ATAD1: variants seen among roughly 807,000 people sequenced by gnomAD.
The protein encoded by ATAD1 is outer mitochondrial transmembrane helix translocase.
ATAD1 carries 18 observed loss-of-function variants against 42.7 expected under a neutral mutation model. The observed-to-expected ratio is 0.42, with a 90% confidence interval of 0.29 to 0.63. The LOEUF (loss-of-function observed/expected upper bound fraction) is 0.63. Ranked by LOEUF, ATAD1 falls within the 20% of genes least tolerant of loss-of-function variation. The probability of loss-of-function intolerance (pLI) is 0.19; values close to 1 mark genes in which losing one functional copy is unlikely to be tolerated. For missense variants in ATAD1, 294 were observed against 440.4 expected (o/e 0.67, Z 2.98); for synonymous variants, 132 against 143.1 (o/e 0.92, Z 0.55).
intron 2 of ATAD1, among the ~76,000 whole-genome samples, chr10:87,795,465 G>GTTTTT (rs60783935): frequency 1.4e-5 from 2 of 143,610 alleles, no homozygotes; most frequent in Admixed American, 7.0e-5. Context: ...TGGTTTGCTT[G>GTTTTT]TTTTTTTTTT....
Position 87,754,780 on chromosome 10 carries a change from A to G in ATAD1, c.993T>C (p.Val331=). 6.2e-7 allele frequency: 1 copy of G among 1,613,594 alleles called. No individual in the cohort carries two copies. Among genetic ancestry groups the G allele is most frequent in the Non-Finnish European group, 8.5e-7 (1 of 1,179,668 alleles). Residue 331 remains valine, a synonymous_variant, in exon 10 of 10, where the codon GTT becomes GTC. Coordinates refer to ENST00000680024, the MANE Select transcript of ATAD1 (RefSeq NM_001321967.2). ...ESHDEDEIRP[V]QQQDLHRAIE... The stretch of plus-strand genomic sequence containing the variant: ...TTGCCCGATGCAGGTCCTGCTGTTG[A>G]ACAGGCCGAATTTCATCTTCGTCAT...
intron 8 of ATAD1, among the ~76,000 whole-genome samples, chr10:87,757,290 A>AAAAAC: frequency 6.6e-6 from 1 of 151,246 alleles, no homozygotes; most frequent in South Asian, 2.1e-4. Flanking sequence ...AAAAAAAACA[A>AAAAAC]AACACTCAAC....
At chr10:87,831,641 T>C (rs113815973) in intron 1 of ATAD1, among the ~76,000 whole-genome samples, 5 of 152,336 alleles carry the variant, frequency 3.3e-5, no homozygotes, top group African/African-American at 1.2e-4. Context: ...GAGACTCAAG[T>C]GCAGGGCCTT....
intron 8 of ATAD1, among the ~76,000 whole-genome samples, chr10:87,765,103 C>T (rs1005269150): frequency 1.3e-5 from 2 of 151,702 alleles, no homozygotes; most frequent in African/African-American, 4.8e-5. Flanking sequence ...ACAACTAAAA[C>T]ATTTATGGGT....
intron 1 of ATAD1, chr10:87,817,783 C>T (rs1458779402): frequency 1.4e-5 from 14 of 985,336 alleles, no homozygotes; most frequent in Non-Finnish European, 1.7e-5. Flanking sequence ...CGCGCCTGTG[C>T]GACAATCAGA....
Position 87,784,348 on chromosome 10 carries a change from T to C in ATAD1, c.583+122A>G, listed in dbSNP as rs1855716877. The C allele has an allele frequency of 4.7e-6, 4 of 843,502 alleles. No homozygotes were observed. The Admixed American group carries it at 9.9e-5, about 21-fold the overall frequency. The allele number at this position is 843,502 out of a possible 1,614,324, so 52.3% of individuals were successfully genotyped here. ...CACAGAAATTATACATAGCATATTA[T>C]GATGTTGGTTATGTTCTTTGTTTTA... On this transcript the variant is annotated intron_variant, in intron 5 of 9. Transcript: ENST00000680024.
intron 6 of ATAD1, among the ~76,000 whole-genome samples, chr10:87,773,191 A>T (rs1855133537): frequency 6.6e-6 from 1 of 152,348 alleles, no homozygotes; most frequent in East Asian, 1.9e-4. Flanking sequence ...AAAACAAAAC[A>T]TAATTTTTTT....
At chr10:87,798,657 T>TGTGTGTGTG (rs1349200937) in intron 2 of ATAD1, among the ~76,000 whole-genome samples, 7 of 150,022 alleles carry the variant, frequency 4.7e-5, no homozygotes, top group African/African-American at 9.8e-5. Flanking sequence ...TGTGTGTGTA[T>TGTGTGTGTG]TTAAAATGCC....
intron 2 of ATAD1, among the ~76,000 whole-genome samples, chr10:87,809,467 A>T (rs1038003063): frequency 6.6e-6 from 1 of 151,744 alleles, no homozygotes; most frequent in African/African-American, 2.4e-5. Context: ...AGGTTGGCAG[A>T]GGTAAAAGAG....
At chr10:87,769,457 T>G (rs1281464279) in intron 7 of ATAD1, among the ~76,000 whole-genome samples, 1 of 152,212 alleles carries the variant, frequency 6.6e-6, no homozygotes, top group African/African-American at 2.4e-5. Flanking sequence ...GTAAATTCCA[T>G]GGACTTCCCT....
At chr10:87,839,044 A>C (rs570047546) in intron 1 of ATAD1, among the ~76,000 whole-genome samples, 16 of 152,276 alleles carry the variant, frequency 1.1e-4, no homozygotes, top group Admixed American at 1.3e-4. Context: ...CTACCTGTAC[A>C]TGTTTTCTGC....
At chr10:87,819,727 GGTCT>G (rs751715669), upstream of ATAD1, among the ~76,000 whole-genome samples, 2 of 152,078 alleles carry the variant, frequency 1.3e-5, no homozygotes, top group East Asian at 1.9e-4. Context: ...TTGGAACATA[GGTCT>G]GTCTAATTCA....
chr10:87,818,342 G>T, upstream of ATAD1: 1 of 843,466 alleles, frequency 1.2e-6, no homozygotes, highest in Non-Finnish European at 1.4e-6. Context: ...AAACAGTGAG[G>T]GAGAGCAAAT....
At chr10:87,758,587 G>GA (rs899117506) in intron 8 of ATAD1, among the ~76,000 whole-genome samples, 2 of 151,656 alleles carry the variant, frequency 1.3e-5, no homozygotes, top group Non-Finnish European at 2.9e-5. Flanking sequence ...ATGCTAAAGG[G>GA]AAAAAAACAG....
At chr10:87,760,545 G>A (rs750251026) in intron 8 of ATAD1, among the ~76,000 whole-genome samples, 17 of 152,020 alleles carry the variant, frequency 1.1e-4, no homozygotes, top group Non-Finnish European at 1.5e-4. Context: ...TCTTTATAGC[G>A]GTTTGAGAAC....
At chr10:87,833,293 T>C (rs529391342) in intron 1 of ATAD1, among the ~76,000 whole-genome samples, 2 of 152,354 alleles carry the variant, frequency 1.3e-5, no homozygotes, top group African/African-American at 4.8e-5. Flanking sequence ...ATTGCTGGTA[T>C]ATGGATGTAA....
chr10:87,803,349 GA>G (rs1485990314), intron 2 of ATAD1, among the ~76,000 whole-genome samples: 3 of 152,162 alleles, frequency 2.0e-5, no homozygotes, highest in Non-Finnish European at 2.9e-5. Flanking sequence ...GAGGAAATAT[GA>G]AAGGAAAATA....
At chr10:87,777,320 G>A (rs554564029) in intron 5 of ATAD1, among the ~76,000 whole-genome samples, 79 of 152,024 alleles carry the variant, frequency 5.2e-4, no homozygotes, top group Non-Finnish European at 9.6e-4. Flanking sequence ...CTATTAAGCC[G>A]AAAAATGTAG....
intron 8 of ATAD1, among the ~76,000 whole-genome samples, chr10:87,767,339 G>C (rs1464141845): frequency 6.6e-6 from 1 of 152,136 alleles, no homozygotes; most frequent in Non-Finnish European, 1.5e-5. Context: ...GGGGGGCATA[G>C]TTTGGGGATG....
Sources: allele counts gnomAD v4.1 joint callset (sites outside exome capture counted in the v4.1 genomes callset), GRCh38; gene constraint gnomAD v4.1.1; transcripts MANE v1.5; gene names NCBI Gene and HGNC (gene_info 2026-07-23, HGNC 2026-07-21).